Variants in MAGI1 observed in about 807,000 individuals in gnomAD.
MAGI1 encodes the protein membrane associated guanylate kinase, WW and PDZ domain containing 1.
A neutral mutation model predicts 139.9 loss-of-function variants in MAGI1; 58 were observed. The observed-to-expected ratio is 0.41, with a 90% CI of 0.34 to 0.52. The LOEUF (loss-of-function observed/expected upper bound fraction) is 0.52. MAGI1 is among the 20% of genes least tolerant of loss of function. MAGI1 has a pLI of 0.12. For synonymous variants in MAGI1, 812 were observed against 737.9 expected, an observed-to-expected ratio of 1.10 and a Z score of -1.63; for missense variants, 1,874 against 1,901.6, an observed-to-expected ratio of 0.99 and a Z score of 0.27.
intron 1 of MAGI1, among the ~76,000 whole-genome samples, chr3:65,892,082 A>T (rs1024290242): frequency 1.3e-5 from 2 of 151,566 alleles, no homozygotes; most frequent in African/African-American, 4.8e-5. Flanking sequence ...CATTATATAG[A>T]GAACACAGTC....
At chr3:65,520,661 C>G (rs2078110594) in intron 2 of MAGI1, among the ~76,000 whole-genome samples, 1 of 152,140 alleles carries the variant, frequency 6.6e-6, no homozygotes, top group South Asian at 2.1e-4. Flanking sequence ...AAAATGGAAG[C>G]TTCTGTGGCA....
intron 1 of MAGI1, among the ~76,000 whole-genome samples, chr3:65,718,259 G>A (rs1336494791): frequency 6.6e-6 from 1 of 152,050 alleles, no homozygotes; most frequent in Admixed American, 6.5e-5. Context: ...AAGTTACCCA[G>A]TATTGCCAGA....
At chr3:65,511,742 T>C (rs2077606746) in intron 2 of MAGI1, among the ~76,000 whole-genome samples, 1 of 150,000 alleles carries the variant, frequency 6.7e-6, no homozygotes, top group Non-Finnish European at 1.5e-5. Context: ...ATTAGACAGA[T>C]CAACGACACA....
intron 1 of MAGI1, among the ~76,000 whole-genome samples, chr3:66,012,582 A>G (rs1267273091): frequency 6.6e-6 from 1 of 152,134 alleles, no homozygotes; most frequent in East Asian, 1.9e-4. Flanking sequence ...CCTGGCCAAC[A>G]TGGCGAAACC....
At chr3:66,033,387 G>A (rs138662758) in intron 1 of MAGI1, among the ~76,000 whole-genome samples, 69 of 152,192 alleles carry the variant, frequency 4.5e-4, no homozygotes, top group African/African-American at 1.5e-3. Context: ...GCAAGTATAC[G>A]CGTCTCTTCC....
At chr3:65,499,690 G>T (rs1322524242) in intron 2 of MAGI1, among the ~76,000 whole-genome samples, 4 of 152,084 alleles carry the variant, frequency 2.6e-5, no homozygotes, top group Non-Finnish European at 5.9e-5. Context: ...GTGCACTGAA[G>T]TGATATAAAC....
intron 1 of MAGI1, among the ~76,000 whole-genome samples, chr3:65,675,406 T>A (rs1017315590): frequency 6.6e-6 from 1 of 152,152 alleles, no homozygotes; most frequent in Non-Finnish European, 1.5e-5. Flanking sequence ...TAAATGGTGA[T>A]TTAAAAACGG....
At chr3:65,359,840 C>A in intron 22 of MAGI1, 1 of 985,596 alleles carries the variant, frequency 1.0e-6, no homozygotes, top group Non-Finnish European at 1.2e-6. Flanking sequence ...AGAAGGTACA[C>A]AGGTTACTGA....
At chr3:65,819,224 C>T (rs1008417169) in intron 1 of MAGI1, among the ~76,000 whole-genome samples, 7 of 152,054 alleles carry the variant, frequency 4.6e-5, no homozygotes, top group Admixed American at 3.9e-4. Flanking sequence ...GCGGAGGTTG[C>T]GGTGAGCCAA....
chr3:65,688,628 G>C (rs2088286814), intron 1 of MAGI1, among the ~76,000 whole-genome samples: 1 of 152,066 alleles, frequency 6.6e-6, no homozygotes, highest in African/African-American at 2.4e-5. Context: ...CATTCCACTG[G>C]GTTTTGACAT....
At chr3:65,538,049 C>T (rs1415031923) in intron 2 of MAGI1, among the ~76,000 whole-genome samples, 1 of 152,278 alleles carries the variant, frequency 6.6e-6, no homozygotes, top group African/African-American at 2.4e-5. Context: ...GCAGGAGAAT[C>T]GCTTGAACCC....
At chr3:65,625,668 T>C (rs1289912759) in intron 1 of MAGI1, among the ~76,000 whole-genome samples, 1 of 152,108 alleles carries the variant, frequency 6.6e-6, no homozygotes, top group African/African-American at 2.4e-5. Flanking sequence ...GAATGGACGA[T>C]TATTGAGGTG....
chr3:65,900,281 A>G (rs904306493), intron 1 of MAGI1, among the ~76,000 whole-genome samples: 1 of 152,220 alleles, frequency 6.6e-6, no homozygotes, highest in Non-Finnish European at 1.5e-5. Context: ...ATAAAAGGTA[A>G]AAGTCACAAC....
chr3:65,611,460 CTG>C (rs2083106257), intron 2 of MAGI1, among the ~76,000 whole-genome samples: 1 of 144,242 alleles, frequency 6.9e-6, no homozygotes, highest in South Asian at 2.1e-4. Context: ...ACTGTTTATA[CTG>C]TATATATACT....
chr3:65,680,122 C>T (rs1466708094), intron 1 of MAGI1, among the ~76,000 whole-genome samples: 5 of 152,120 alleles, frequency 3.3e-5, no homozygotes, highest in East Asian at 1.9e-4. Flanking sequence ...AAGGCCTTAC[C>T]GCTCTCACTT....
intron 1 of MAGI1, among the ~76,000 whole-genome samples, chr3:65,979,190 T>C (rs1385125333): frequency 6.8e-6 from 1 of 146,828 alleles, no homozygotes; most frequent in Non-Finnish European, 1.5e-5. Flanking sequence ...AATTTTCTTA[T>C]AGTAATTTAC....
chr3:65,813,466 C>A (rs1023084024), intron 1 of MAGI1, among the ~76,000 whole-genome samples: 2 of 151,946 alleles, frequency 1.3e-5, no homozygotes, highest in African/African-American at 2.4e-5. Context: ...ATCAAATGGA[C>A]AAAATGAGCT....
intron 1 of MAGI1, among the ~76,000 whole-genome samples, chr3:65,908,417 T>C (rs925990479): frequency 2.0e-5 from 3 of 151,966 alleles, no homozygotes; most frequent in African/African-American, 7.2e-5. Flanking sequence ...AATTCTCTGC[T>C]GGAATTACAG....
At chr3:65,585,793 T>A (rs1160827771) in intron 2 of MAGI1, among the ~76,000 whole-genome samples, 1 of 152,200 alleles carries the variant, frequency 6.6e-6, no homozygotes, top group African/African-American at 2.4e-5. Flanking sequence ...AACTTTATTC[T>A]TAATTCCCAA....
Sources: gnomAD v4.1 joint callset for allele counts (sites outside exome capture counted in the v4.1 genomes callset) on GRCh38, gnomAD v4.1.1 for gene constraint, MANE v1.5 for transcripts, NCBI Gene and HGNC (gene_info 2026-07-23, HGNC 2026-07-21) for gene names.